APP: variants seen among roughly 807,000 people sequenced by gnomAD.
APP encodes the protein amyloid-beta precursor protein.
APP carries 31 observed loss-of-function variants against 101.4 expected under a neutral mutation model. The observed-to-expected ratio is 0.31, with a 90% CI of 0.23 to 0.41. APP has a LOEUF of 0.41. APP is among the 10% of genes least tolerant of loss of function. The pLI, the probability that APP is intolerant of heterozygous loss-of-function variation, is 1.00. For missense variants in APP, 839 were observed against 1,003.7 expected (o/e 0.84, Z 2.22); for synonymous variants, 366 against 364.4 (o/e 1.00, Z -0.05).
chr21:26,163,146 C>A (rs1191000593), intron 1 of APP, among the ~76,000 whole-genome samples: 1 of 143,630 alleles, frequency 7.0e-6, no homozygotes, highest in Non-Finnish European at 1.5e-5. Flanking sequence ...GAGGCTGAGG[C>A]ATGAGAATTG....
At chr21:26,008,069 G>GC (rs1568846824) in intron 6 of APP, among the ~76,000 whole-genome samples, 1 of 151,628 alleles carries the variant, frequency 6.6e-6, no homozygotes, top group Non-Finnish European at 1.5e-5. Context: ...CAAGAGGATG[G>GC]TGCTAATTTG....
chr21:25,967,234 T>G (rs1338484722), intron 11 of APP, among the ~76,000 whole-genome samples: 2 of 152,090 alleles, frequency 1.3e-5, no homozygotes, highest in Non-Finnish European at 2.9e-5. Context: ...ACTGATAGCC[T>G]GAATGTGAAG....
intron 7 of APP, among the ~76,000 whole-genome samples, chr21:25,997,726 CA>C: frequency 6.6e-6 from 1 of 152,242 alleles, no homozygotes; most frequent in Non-Finnish European, 1.5e-5. Context: ...CATTTTTTCA[CA>C]AAAACTCCAT....
chr21:26,151,177 C>T (rs2063261787), intron 1 of APP, among the ~76,000 whole-genome samples: 1 of 152,152 alleles, frequency 6.6e-6, no homozygotes, highest in East Asian at 1.9e-4. Context: ...ACTTGTTTTT[C>T]ACCACATAAC....
intron 11 of APP, among the ~76,000 whole-genome samples, chr21:25,963,200 G>A (rs895734752): frequency 6.6e-6 from 1 of 152,162 alleles, no homozygotes; most frequent in Non-Finnish European, 1.5e-5. Context: ...ATTTGGTGTT[G>A]CTGGGACTTG....
At chr21:26,169,090 C>G (rs1318038164) in intron 1 of APP, 1 of 152,180 alleles carries the variant, frequency 6.6e-6, no homozygotes, top group East Asian at 1.9e-4. Context: ...TGAAATACAG[C>G]CTCCTCTGGC....
chr21:26,134,933 G>T (rs532430097), intron 1 of APP, among the ~76,000 whole-genome samples: 9 of 151,984 alleles, frequency 5.9e-5, no homozygotes, highest in African/African-American at 2.2e-4. Context: ...TTAAAACTTC[G>T]ATGTTTCTAA....
At position 26,087,271 on chromosome 21, in the gene APP, A is replaced by G. The variant is rs910890289; in HGVS notation, c.355+2672T>C. On this transcript the variant is annotated intron_variant, in intron 3 of 17. Transcript: ENST00000346798. ...CAAAGTAAGAGACAACATATGCTCT[A>G]CTTGTCATATTAGGGTCTAATTTCA... Among the ~76,000 whole-genome samples the G allele has an allele frequency of 2.6e-5, 4 of 152,388 alleles. No individual in the cohort carries two copies. The South Asian group carries it at 6.2e-4, about 24-fold the overall frequency.
intron 3 of APP, among the ~76,000 whole-genome samples, chr21:26,087,405 A>T (rs970055636): frequency 6.6e-6 from 1 of 152,242 alleles, no homozygotes; most frequent in South Asian, 2.1e-4. Context: ...GTCCCATAGT[A>T]GTCAAGAACA....
intron 2 of APP, among the ~76,000 whole-genome samples, chr21:26,092,242 C>T (rs568927234): frequency 8.5e-4 from 129 of 152,116 alleles, no homozygotes; most frequent in African/African-American, 3.0e-3. Flanking sequence ...ACCTTAGTCC[C>T]AGACCCCAAA....
intron 1 of APP, among the ~76,000 whole-genome samples, chr21:26,164,028 C>T (rs956617664): frequency 1.3e-5 from 2 of 152,136 alleles, no homozygotes; most frequent in Admixed American, 6.5e-5. Flanking sequence ...AGGCGGATCA[C>T]GAGGTCAAGA....
intron 13 of APP, among the ~76,000 whole-genome samples, chr21:25,938,405 C>T (rs2146422089): frequency 6.6e-6 from 1 of 152,122 alleles, no homozygotes; most frequent in East Asian, 1.9e-4. Context: ...TCTCTAAATA[C>T]ATTCTGAGTC....
intron 1 of APP, among the ~76,000 whole-genome samples, chr21:26,151,094 G>C (rs2146341417): frequency 6.6e-6 from 1 of 152,270 alleles, no homozygotes; most frequent in African/African-American, 2.4e-5. Context: ...TGTTAAATTT[G>C]AAGATAAATA....
chr21:25,996,864 T>C (rs1270652536), intron 8 of APP, among the ~76,000 whole-genome samples: 2 of 152,336 alleles, frequency 1.3e-5, no homozygotes, highest in Admixed American at 1.3e-4. Context: ...GCTCCCCTTT[T>C]TAAGCCTTTG....
chr21:25,961,067 A>AG (rs1190143495), intron 11 of APP, among the ~76,000 whole-genome samples: 2 of 152,208 alleles, frequency 1.3e-5, no homozygotes, highest in Non-Finnish European at 2.9e-5. Context: ...ACTAAGCTAA[A>AG]GGGAAAAGTC....
intron 13 of APP, among the ~76,000 whole-genome samples, chr21:25,951,104 G>C (rs536486196): frequency 6.8e-6 from 1 of 146,760 alleles, no homozygotes; most frequent in African/African-American, 2.5e-5. Context: ...AGCATGAACA[G>C]ACAGGATGCC....
chr21:26,045,763 G>A (rs1376861197), intron 5 of APP, among the ~76,000 whole-genome samples: 1 of 152,132 alleles, frequency 6.6e-6, no homozygotes, highest in East Asian at 1.9e-4. Context: ...ATACGGAATT[G>A]TATATTCCAA....
At chr21:26,029,860 C>T (rs893517270) in intron 5 of APP, among the ~76,000 whole-genome samples, 8 of 152,136 alleles carry the variant, frequency 5.3e-5, no homozygotes, top group African/African-American at 1.9e-4. Context: ...GGCCTAAATA[C>T]GGATTGTAAA....
chr21:26,089,893 C>T (rs772803149), intron 3 of APP, 50 bp downstream of exon 3: 2 of 1,612,156 alleles, frequency 1.2e-6, no homozygotes, highest in African/African-American at 1.3e-5. Context: ...TTTTTCTTCC[C>T]TCAAGACCAG....
Sources: allele counts gnomAD v4.1 joint callset (sites outside exome capture counted in the v4.1 genomes callset), GRCh38; gene constraint gnomAD v4.1.1; transcripts MANE v1.5; gene names NCBI Gene and HGNC (gene_info 2026-07-23, HGNC 2026-07-21).